RALGPS1: variants seen among roughly 807,000 people sequenced by gnomAD.
RALGPS1 encodes Ral GEF with PH domain and SH3 binding motif 1, also known as ras-specific guanine nucleotide-releasing factor RalGPS1.
RALGPS1 carries 19 observed loss-of-function variants against 78.8 expected under a neutral mutation model. That is an observed-to-expected ratio of 0.24 (90% CI 0.17 to 0.35). RALGPS1 has a LOEUF of 0.35. Among genes scored for constraint, RALGPS1 ranks in the 10% least tolerant of loss-of-function variants. The pLI is 1.00. For missense variants in RALGPS1, 454 were observed against 688.3 expected, an observed-to-expected ratio of 0.66 and a Z score of 3.81; for synonymous variants, 228 against 256.3, an observed-to-expected ratio of 0.89 and a Z score of 1.06.
chr9:127,051,078 C>T (rs751044711), intron 6 of RALGPS1, among the ~76,000 whole-genome samples: 2 of 152,204 alleles, frequency 1.3e-5, no homozygotes, highest in Non-Finnish European at 2.9e-5. Flanking sequence ...AGGGAAGCTG[C>T]TCTACTGGCC....
chr9:127,210,108 G>T (rs2062158917), intron 14 of RALGPS1, among the ~76,000 whole-genome samples: 1 of 152,242 alleles, frequency 6.6e-6, no homozygotes, highest in Non-Finnish European at 1.5e-5. Context: ...GGGAGTGCAT[G>T]TGAGAGGAAA....
At chr9:127,135,646 A>C (rs946576558) in intron 8 of RALGPS1, among the ~76,000 whole-genome samples, 2 of 152,130 alleles carry the variant, frequency 1.3e-5, no homozygotes, top group African/African-American at 4.8e-5. Context: ...CTGATGGACA[A>C]CCCCTGTGGG....
intron 8 of RALGPS1, among the ~76,000 whole-genome samples, chr9:127,134,769 G>C (rs993389545): frequency 6.6e-6 from 1 of 152,190 alleles, no homozygotes. Flanking sequence ...AAAAATAAAT[G>C]TCTTACCCCT....
At chr9:127,198,166 G>T (rs1186340735) in intron 13 of RALGPS1, among the ~76,000 whole-genome samples, 1 of 152,210 alleles carries the variant, frequency 6.6e-6, no homozygotes, top group African/African-American at 2.4e-5. Context: ...GAGGCCAAAA[G>T]CCCTGATGAA....
chr9:127,222,809 C>T lies in RALGPS1; in HGVS notation c.*4040C>T, dbSNP rs1470214004. 6.6e-6 allele frequency: 1 copy of T among 152,634 alleles called. No homozygotes were observed. The highest frequency in any genetic ancestry group is 1.5e-5 in the Non-Finnish European group (1 of 68,044). The allele number at this position is 152,634 out of a possible 1,614,324, so 9.5% of individuals were successfully genotyped here. A position where few individuals can be genotyped will look rare whatever the true frequency, so the allele number is the denominator to read the frequency against. ...AAAATGTTGCATAGAGAGTAGTTTT[C>T]AATTTCTTATGTACTCTTCGAAGTA... is the stretch of plus-strand genomic sequence containing the variant. On this transcript the variant is annotated 3_prime_UTR_variant, in exon 19 of 19. Coordinates refer to ENST00000259351, the MANE Select transcript of RALGPS1 (RefSeq NM_014636.3).
chr9:127,130,923 T>C (rs2056962701), intron 8 of RALGPS1, among the ~76,000 whole-genome samples: 1 of 152,250 alleles, frequency 6.6e-6, no homozygotes, highest in Non-Finnish European at 1.5e-5. Context: ...TTTTAGACAA[T>C]TGAATTGGCT....
At chr9:127,195,685 C>T (rs992469005) in intron 12 of RALGPS1, among the ~76,000 whole-genome samples, 8 of 152,218 alleles carry the variant, frequency 5.3e-5, no homozygotes, top group Non-Finnish European at 7.3e-5. Context: ...CGTGAGCCCT[C>T]GGCATGGCTA....
Position 127,168,785 on chromosome 9 carries a change from G to A in RALGPS1, c.842+13G>A, listed in dbSNP as rs774511105. On this transcript the variant is annotated intron_variant, in intron 10 of 18. Coordinates refer to ENST00000259351, the MANE Select transcript of RALGPS1 (RefSeq NM_014636.3). ...ACGACAACTACAAGTAAGTCCCCAC[G>A]TATTCCTGTGTCAGGCCTCCCAGCC... 19 of 1,586,956 alleles carry A rather than the reference G, an allele frequency of 1.2e-5. No homozygotes were observed. The highest frequency in any genetic ancestry group is 5.0e-5 in the Admixed American group (3 of 59,958).
At chr9:127,163,378 A>G (rs570783473) in intron 8 of RALGPS1, among the ~76,000 whole-genome samples, 1 of 152,366 alleles carries the variant, frequency 6.6e-6, no homozygotes, top group Admixed American at 6.5e-5. Flanking sequence ...GTGAAGAGAA[A>G]GAATAAATCT....
At chr9:126,982,172 A>C (rs527623847) in intron 4 of RALGPS1, among the ~76,000 whole-genome samples, 57 of 152,338 alleles carry the variant, frequency 3.7e-4, no homozygotes, top group Non-Finnish European at 7.6e-4. Context: ...GTATCCTATT[A>C]GTATCACAGA....
chr9:126,934,383 T>C (rs983440812), intron 1 of RALGPS1, among the ~76,000 whole-genome samples: 1 of 152,224 alleles, frequency 6.6e-6, no homozygotes, highest in African/African-American at 2.4e-5. Context: ...CAGCATGTAT[T>C]CCTGGTAAGC....
At chr9:127,133,375 G>A (rs1432344007) in intron 8 of RALGPS1, among the ~76,000 whole-genome samples, 1 of 152,270 alleles carries the variant, frequency 6.6e-6, no homozygotes, top group Non-Finnish European at 1.5e-5. Flanking sequence ...CCTTGGAAGC[G>A]CAGCTCAGTC....
At chr9:127,000,144 C>G (rs1181638439) in intron 4 of RALGPS1, among the ~76,000 whole-genome samples, 1 of 152,034 alleles carries the variant, frequency 6.6e-6, no homozygotes, top group African/African-American at 2.4e-5. Context: ...TTTTATTGAT[C>G]TCAAGGAGAG....
intron 4 of RALGPS1, among the ~76,000 whole-genome samples, chr9:127,028,033 G>C (rs971104463): frequency 6.6e-6 from 1 of 152,210 alleles, no homozygotes; most frequent in Non-Finnish European, 1.5e-5. Flanking sequence ...CTCTGCCCCT[G>C]GAGGAGCTCC....
chr9:127,018,054 T>C (rs1433407960), intron 4 of RALGPS1, among the ~76,000 whole-genome samples: 1 of 151,604 alleles, frequency 6.6e-6, no homozygotes. Context: ...CCGTCTCTAC[T>C]GAAAATACAA....
rs768212640 is a variant in RALGPS1 at position 126,952,652 on chromosome 9, A to AGTGTGTGTGT, written c.-65-9572_-65-9571insTGTGTGTGTG. ...CTGAGAGAGAGAGAGAGAGAGAGAG[A>AGTGTGTGTGT]GAGAGTGTGTGTGTGTGTGTGTGTG... On this transcript the variant is annotated intron_variant, in intron 1 of 18. Transcript: ENST00000259351. Among the ~76,000 whole-genome samples, 995 of 122,016 alleles carry AGTGTGTGTGT rather than the reference A, an allele frequency of 8.2e-3. 8 individuals are homozygous for AGTGTGTGTGT. Among genetic ancestry groups the AGTGTGTGTGT allele is most frequent in the Middle Eastern group, 0.012 (3 of 242 alleles). The allele number at this position is 122,016 out of a possible 152,430, so 80.0% of individuals were successfully genotyped here.
chr9:126,957,086 C>T (rs374569309), intron 1 of RALGPS1, among the ~76,000 whole-genome samples: 9 of 152,322 alleles, frequency 5.9e-5, no homozygotes, highest in Admixed American at 4.6e-4. Flanking sequence ...GCTGTTGTGA[C>T]GATTAAATGA....
chr9:126,984,927 T>C (rs1437308782), intron 4 of RALGPS1, among the ~76,000 whole-genome samples: 3 of 152,256 alleles, frequency 2.0e-5, no homozygotes, highest in Non-Finnish European at 4.4e-5. Flanking sequence ...GCCTTTGCCA[T>C]GGACAGAGCT....
At chr9:126,920,648 G>A (rs867276245) in intron 1 of RALGPS1, among the ~76,000 whole-genome samples, 4 of 152,266 alleles carry the variant, frequency 2.6e-5, no homozygotes, top group Middle Eastern at 3.4e-3. Context: ...GCCTCCTTTC[G>A]TGGCAGAGAA....
Sources: gnomAD v4.1 joint callset for allele counts (sites outside exome capture counted in the v4.1 genomes callset) on GRCh38, gnomAD v4.1.1 for gene constraint, MANE v1.5 for transcripts, NCBI Gene and HGNC (gene_info 2026-07-23, HGNC 2026-07-21) for gene names.